Variants in ROCK2 observed in about 807,000 individuals in gnomAD.
ROCK2 encodes the protein rho-associated protein kinase 2.
In ROCK2, 61 loss-of-function variants were observed where a neutral mutation model predicts 195.1. The ratio of observed to expected loss-of-function variants is 0.31; its 90% CI spans 0.25 to 0.39. The LOEUF is 0.39. Among genes scored for constraint, ROCK2 ranks in the 10% least tolerant of loss-of-function variants. The probability of loss-of-function intolerance (pLI) is 1.00; values close to 1 mark genes in which losing one functional copy is unlikely to be tolerated. For synonymous variants in ROCK2, 504 were observed against 545.5 expected, an observed-to-expected ratio of 0.92 and a Z score of 1.06; for missense variants, 1,109 against 1,637.4, an observed-to-expected ratio of 0.68 and a Z score of 5.57.
chr2:11,221,418 T>C, intron 8 of ROCK2, 61 bp from the exon 9 acceptor site: 1 of 1,196,454 alleles, frequency 8.4e-7, no homozygotes, highest in South Asian at 1.7e-5. Context: ...ACCATCCTAT[T>C]TTATTATGAT....
chr2:11,256,462 T>G (rs1373415582), intron 3 of ROCK2, among the ~76,000 whole-genome samples: 1 of 151,462 alleles, frequency 6.6e-6, no homozygotes, highest in Non-Finnish European at 1.5e-5. Context: ...CCACGCTTCC[T>G]GTACGGCCTG....
chr2:11,208,720 A>G (rs963453822), intron 18 of ROCK2, among the ~76,000 whole-genome samples: 2 of 151,280 alleles, frequency 1.3e-5, no homozygotes, highest in Admixed American at 6.6e-5. Flanking sequence ...GCCTCCAGAC[A>G]TAACTCGGAT....
intron 3 of ROCK2, among the ~76,000 whole-genome samples, chr2:11,285,077 AC>A (rs1303249625): frequency 6.6e-6 from 1 of 152,074 alleles, no homozygotes; most frequent in African/African-American, 2.4e-5. Flanking sequence ...AGACTGACCA[AC>A]ATGGAGAAAC....
At chr2:11,200,897 G>A (rs538774080) in intron 23 of ROCK2, 60 bp downstream of exon 23, 1 of 1,408,350 alleles carries the variant, frequency 7.1e-7, no homozygotes, top group South Asian at 1.5e-5. Context: ...TATGTCTAAA[G>A]AAGGTTTAAG....
intron 4 of ROCK2, among the ~76,000 whole-genome samples, chr2:11,240,652 T>C (rs1416573096): frequency 6.6e-6 from 1 of 152,130 alleles, no homozygotes; most frequent in Non-Finnish European, 1.5e-5. Context: ...AGTGACCACT[T>C]TGGGATGGTG....
intron 1 of ROCK2, among the ~76,000 whole-genome samples, chr2:11,306,661 A>G (rs1667868183): frequency 6.6e-6 from 1 of 152,346 alleles, no homozygotes; most frequent in Middle Eastern, 3.4e-3. Flanking sequence ...AGGAATACAG[A>G]AACAGGTAAA....
At chr2:11,190,344 C>G (rs2148027126) in intron 32 of ROCK2, among the ~76,000 whole-genome samples, 1 of 140,926 alleles carries the variant, frequency 7.1e-6, no homozygotes, top group South Asian at 2.4e-4. Context: ...GAATGATTCA[C>G]AGGGCAAGGC....
chr2:11,312,377 T>C (rs1034076718), intron 1 of ROCK2, among the ~76,000 whole-genome samples: 2 of 152,134 alleles, frequency 1.3e-5, no homozygotes, highest in African/African-American at 4.8e-5. Flanking sequence ...ACAGTCACTA[T>C]AATGAACATA....
intron 6 of ROCK2, among the ~76,000 whole-genome samples, chr2:11,226,024 T>C (rs952783594): frequency 3.3e-5 from 5 of 152,242 alleles, no homozygotes; most frequent in African/African-American, 1.2e-4. Flanking sequence ...CATAGTCTTT[T>C]ATCATACAGG....
At chr2:11,231,184 AT>A (rs960231792) in intron 5 of ROCK2, among the ~76,000 whole-genome samples, 1,795 of 147,880 alleles carry the variant, frequency 0.012, 39 homozygotes, top group African/African-American at 0.041. Context: ...TCTTCAGGTA[AT>A]TTTTTTTTTT....
chr2:11,344,287 C>A lies in ROCK2; in HGVS notation c.-151G>T. 6 of 1,249,124 alleles carry A rather than the reference C, an allele frequency of 4.8e-6. No individual in the cohort carries two copies. The highest frequency in any genetic ancestry group is 6.0e-6 in the Non-Finnish European group (6 of 998,304). The allele number at this position is 1,249,124 out of a possible 1,614,324, so 77.4% of individuals were successfully genotyped here. On this transcript the variant is annotated 5_prime_UTR_variant, in exon 1 of 33. Coordinates refer to ENST00000315872, the MANE Select transcript of ROCK2 (RefSeq NM_004850.5). This position sits in a 1 kb window ranked among gnomAD's most constrained non-coding sequence, Gnocchi z 5.4. ...TCCGGCTTCGGGTCTCCAAGGCGGT[C>A]CCCCGCCTGGGGGCTGCTCCCAGGG...
chr2:11,227,144 A>T, intron 6 of ROCK2, 110 bp downstream of exon 6: 1 of 1,034,402 alleles, frequency 9.7e-7, no homozygotes, highest in Non-Finnish European at 1.4e-6. Flanking sequence ...CCAGAAATCT[A>T]ATTCTTCCCT....
At chr2:11,240,679 AGAT>A (rs1192206111) in intron 4 of ROCK2, among the ~76,000 whole-genome samples, 1 of 152,240 alleles carries the variant, frequency 6.6e-6, no homozygotes, top group Admixed American at 6.5e-5. Flanking sequence ...CTCTAAAATC[AGAT>A]GGTAGTGGTG....
chr2:11,302,719 G>T (rs749780285), intron 1 of ROCK2, among the ~76,000 whole-genome samples: 11 of 152,064 alleles, frequency 7.2e-5, no homozygotes, highest in Non-Finnish European at 1.5e-4. Flanking sequence ...GTACTAATAA[G>T]AATATGAAAT....
chr2:11,257,892 T>A (rs1272111466), intron 3 of ROCK2, among the ~76,000 whole-genome samples: 1 of 151,582 alleles, frequency 6.6e-6, no homozygotes, highest in Non-Finnish European at 1.5e-5. Context: ...GAAAAGTGTT[T>A]GTTTTTCTAA....
In ROCK2 at chr2:11,325,462, AT is replaced by A. The variant is rs1444630718; in HGVS notation, c.141+18533del. Reference sequence around the variant, plus strand: ...TACAGTTAATATTTGGGGAGTTGGCATTTGTATTTTAAGCAGAGGGATCTAG... The same window carrying A: ...TACAGTTAATATTTGGGGAGTTGGCATTGTATTTTAAGCAGAGGGATCTAG... On this transcript the variant is annotated intron_variant, in intron 1 of 32. Transcript: ENST00000315872. Among the ~76,000 whole-genome samples, 7 of 152,136 alleles carry A rather than the reference AT, an allele frequency of 4.6e-5. No individual in the cohort carries two copies. The East Asian group carries it at 1.2e-3, about 25-fold the overall frequency.
intron 5 of ROCK2, among the ~76,000 whole-genome samples, chr2:11,232,986 G>A (rs1041049952): frequency 4.6e-5 from 7 of 152,198 alleles, no homozygotes; most frequent in African/African-American, 1.7e-4. Context: ...GGCTGAGGCA[G>A]GAGGATCACT....
chr2:11,294,157 CA>C (rs1205550340), intron 1 of ROCK2, among the ~76,000 whole-genome samples: 1 of 139,632 alleles, frequency 7.2e-6, no homozygotes, highest in Non-Finnish European at 1.5e-5. Flanking sequence ...ACTCCCGTCT[CA>C]AAAAAAAATT....
chr2:11,211,161 C>T (rs1219744947), intron 18 of ROCK2, among the ~76,000 whole-genome samples: 3 of 152,094 alleles, frequency 2.0e-5, no homozygotes, highest in African/African-American at 4.8e-5. Context: ...TATATGGCTT[C>T]GACCAAATCT....
Sources: gnomAD v4.1 joint callset for allele counts (sites outside exome capture counted in the v4.1 genomes callset) on GRCh38, gnomAD v4.1.1 for gene constraint, Gnocchi (gnomAD v3.1) non-coding constraint, MANE v1.5 for transcripts, NCBI Gene and HGNC (gene_info 2026-07-23, HGNC 2026-07-21) for gene names.